Variants in HEY1 observed in about 807,000 individuals in gnomAD.
HEY1 encodes hes related family bHLH transcription factor with YRPW motif 1.
HEY1 carries 9 observed loss-of-function variants against 28.7 expected under a neutral mutation model. The observed-to-expected ratio is 0.31, with a 90% CI of 0.19 to 0.55. HEY1 has a LOEUF of 0.55. HEY1 is among the 20% of genes least tolerant of loss of function. The probability of loss-of-function intolerance (pLI) is 0.93; values close to 1 mark genes in which losing one functional copy is unlikely to be tolerated. For missense variants in HEY1, 385 were observed against 399.4 expected, an observed-to-expected ratio of 0.96 and a Z score of 0.31; for synonymous variants, 213 against 175.6, an observed-to-expected ratio of 1.21 and a Z score of -1.68.
rs902173582 is a variant in HEY1 at position 79,765,102 on chromosome 8, T to C, written c.*86A>G. ...AAGTGTACCTTTTTCCTTTTTACTTTTACTGACGACTTTAAGGTGATGTTG... is the reference window on the plus strand; with the variant it reads ...AAGTGTACCTTTTTCCTTTTTACTTCTACTGACGACTTTAAGGTGATGTTG... On this transcript the variant is annotated 3_prime_UTR_variant, in exon 5 of 5. Coordinates refer to ENST00000354724, the MANE Select transcript of HEY1 (RefSeq NM_012258.4). 14 of 881,148 alleles carry C rather than the reference T, an allele frequency of 1.6e-5. No individual in the cohort carries two copies. The African/African-American group carries it at 2.2e-4, about 14-fold the overall frequency. The allele number at this position is 881,148 out of a possible 1,614,324, so 54.6% of individuals were successfully genotyped here.
chr8:79,767,433 G>C (rs1444120615), intron 1 of HEY1, 139 bp from the exon 2 acceptor site: 1 of 1,107,674 alleles, frequency 9.0e-7, no homozygotes, highest in South Asian at 1.5e-5. Flanking sequence ...GGGTTCCCTG[G>C]CCGCAGGCTG....
chr8:79,766,441 C>G, intron 4 of HEY1: 14 of 1,475,920 alleles, frequency 9.5e-6, no homozygotes, highest in African/African-American at 1.4e-5. Context: ...GATGCACTAG[C>G]TCAATCCGCA....
Position 79,765,524 on chromosome 8 carries a change from C to T in HEY1, c.579G>A (p.Pro193=). ...CGTGGCCGTTCTGGGGCAGCAACAG[C>T]GGGTGCGCGATGTGCGGGTGATGTC... The part of the protein sequence containing the change: ...VFGHHPHIAH[P]LLLPQNGHGN... Residue 193 remains proline, a synonymous_variant, in exon 5 of 5, where the codon CCG becomes CCA. Coordinates refer to ENST00000354724, the MANE Select transcript of HEY1 (RefSeq NM_012258.4). The T allele has an allele frequency of 1.2e-6, 2 of 1,613,754 alleles. No homozygotes were observed. Among genetic ancestry groups the T allele is most frequent in the Non-Finnish European group, 1.7e-6 (2 of 1,179,946 alleles).
In HEY1 at chr8:79,765,144, G is replaced by A. The variant is rs964437523; in HGVS notation, c.*44C>T. ...GTGATGTTGGCAACAGTCCAGCCCAGCTGGGATTTTAAACTTTCCCCTCCC... is the reference window on the plus strand; with the variant it reads ...GTGATGTTGGCAACAGTCCAGCCCAACTGGGATTTTAAACTTTCCCCTCCC... On this transcript the variant is annotated 3_prime_UTR_variant, in exon 5 of 5. Transcript: ENST00000354724. 3.6e-6 allele frequency: 5 copies of A among 1,383,216 alleles called. No homozygotes were observed. Among genetic ancestry groups the A allele is most frequent in the Non-Finnish European group, 4.9e-6 (5 of 1,018,714 alleles). The allele number at this position is 1,383,216 out of a possible 1,614,324, so 85.7% of individuals were successfully genotyped here.
intron 4 of HEY1, chr8:79,766,437 C>T (rs1383914664): frequency 1.4e-6 from 2 of 1,470,926 alleles, no homozygotes; most frequent in East Asian, 2.4e-5. Context: ...AAAAGATGCA[C>T]TAGCTCAATC....
At chr8:79,766,338 A>G (rs528526054) in intron 4 of HEY1, 1 of 1,499,192 alleles carries the variant, frequency 6.7e-7, no homozygotes, top group East Asian at 2.4e-5. Flanking sequence ...CTTTTTCTCA[A>G]AATAGCAATG....
rs757444831 is a variant in HEY1 at position 79,766,750 on chromosome 8, A to G, written c.250-18T>C. 3 of 1,612,518 alleles carry G rather than the reference A, an allele frequency of 1.9e-6. No homozygotes were observed. Among genetic ancestry groups the G allele is most frequent in the Non-Finnish European group, 2.5e-6 (3 of 1,178,494 alleles). On this transcript the variant is annotated intron_variant, in intron 3 of 4. Transcript: ENST00000354724. ...GCAGATCCCTAAAGATGAGAATGGC[A>G]AAAGATTGATTTGGCACAAGTTCCT... is the stretch of plus-strand genomic sequence containing the variant.
rs1807807514 is a variant in HEY1 at position 79,765,452 on chromosome 8, G to A, written c.651C>T (p.Gly217=). The A allele has an allele frequency of 6.2e-7, 1 of 1,613,040 alleles. No individual in the cohort carries two copies. ...TASPTEPHHQ[G]RLGSAHPEAP... is the part of the protein sequence containing the mutation. ...CCTCCGGATGTGCCGAGCCCAGCCT[G>A]CCCTGGTGGTGCGGTTCCGTGGGTG... is the stretch of plus-strand genomic sequence containing the variant. Residue 217 remains glycine (G), a synonymous_variant, in exon 5 of 5, where the codon GGC becomes GGT. Transcript: ENST00000354724.
At chr8:79,767,531 G>T in intron 1 of HEY1, 44 bp downstream of exon 1, 1 of 1,550,464 alleles carries the variant, frequency 6.4e-7, no homozygotes. Flanking sequence ...GCCTGCGCTC[G>T]CCTCCCGCTC....
intron 4 of HEY1, 157 bp downstream of exon 4, chr8:79,766,494 A>G (rs1807841554): frequency 2.0e-6 from 3 of 1,508,350 alleles, no homozygotes; most frequent in African/African-American, 2.8e-5. Flanking sequence ...TTCTATGTGC[A>G]TTCGAAAATG....
chr8:79,767,744 G>T lies in HEY1; in HGVS notation c.-81C>A, dbSNP rs1446929557. 3.0e-6 allele frequency: 3 copies of T among 997,464 alleles called. No individual in the cohort carries two copies. Among genetic ancestry groups the T allele is most frequent in the South Asian group, 1.4e-5 (1 of 72,404 alleles). 61.8% of individuals were successfully genotyped at this position (997,464 alleles called of 1,614,324 possible). ...ACTACAGCGGCGCCTCTCCGCTCTC[G>T]GCTGCTTGCGTTCCGCACACACTGA... On this transcript the variant is annotated 5_prime_UTR_variant, in exon 1 of 5. Coordinates refer to ENST00000354724, the MANE Select transcript of HEY1 (RefSeq NM_012258.4).
intron 1 of HEY1, 105 bp downstream of exon 1, chr8:79,767,470 A>G (rs1420730463): frequency 8.2e-7 from 1 of 1,212,654 alleles, no homozygotes. Flanking sequence ...CGCGGAGGTC[A>G]GCGCAGGGCA....
intron 4 of HEY1, chr8:79,766,080 G>A (rs1207413784): frequency 2.6e-6 from 2 of 767,044 alleles, no homozygotes; most frequent in Non-Finnish European, 4.1e-6. Flanking sequence ...AATACATCAA[G>A]GGCAGAGAAA....
At position 79,764,123 on chromosome 8, in the gene HEY1, A is replaced by G; in HGVS notation, c.*1065T>C. 1 of 198,752 alleles carries G rather than the reference A, an allele frequency of 5.0e-6. No individual in the cohort carries two copies. Among genetic ancestry groups the G allele is most frequent in the Non-Finnish European group, 1.0e-5 (1 of 96,320 alleles). 12.3% of individuals were successfully genotyped at this position (198,752 alleles called of 1,614,324 possible). A position where few individuals can be genotyped will look rare whatever the true frequency, so the allele number is the denominator to read the frequency against. The stretch of plus-strand genomic sequence containing the variant: ...GCTAAAAGAATAAACCTGAAAAATG[A>G]TATTTTATAGCCCAAATCAAATTAA... On this transcript the variant is annotated 3_prime_UTR_variant, in exon 5 of 5. Transcript: ENST00000354724.
chr8:79,765,422 A>G lies in HEY1; in HGVS notation c.681T>C (p.Pro227=). 1 of 1,611,444 alleles carries G rather than the reference A, an allele frequency of 6.2e-7. No homozygotes were observed. The highest frequency in any genetic ancestry group is 8.5e-7 in the Non-Finnish European group (1 of 1,178,874). Residue 227 remains proline (P), a synonymous_variant, in exon 5 of 5, where the codon CCT becomes CCC. Coordinates refer to ENST00000354724, the MANE Select transcript of HEY1 (RefSeq NM_012258.4). ...GRLGSAHPEA[P]ALRAPPSGSL... is the part of the protein sequence containing the mutation. ...TGCCGCTAGGGGGCGCTCGCAAAGC[A>G]GGCGCCTCCGGATGTGCCGAGCCCA...
At chr8:79,767,334 G>C (rs1376235180) in intron 1 of HEY1, 40 bp from the exon 2 acceptor site, 1 of 1,552,472 alleles carries the variant, frequency 6.4e-7, no homozygotes, top group South Asian at 1.1e-5. Context: ...TGAAATCGCC[G>C]TTAAACGAGG....
chr8:79,767,332 C>T (rs1009526761), intron 1 of HEY1, 38 bp from the exon 2 acceptor site: 2 of 1,568,110 alleles, frequency 1.3e-6, no homozygotes, highest in African/African-American at 1.4e-5. Flanking sequence ...ACTGAAATCG[C>T]CGTTAAACGA....
Position 79,765,566 on chromosome 8 carries a change from G to C in HEY1, c.537C>G (p.Pro179=), listed in dbSNP as rs1386255291. The C allele has an allele frequency of 1.9e-6, 3 of 1,614,044 alleles. No individual in the cohort carries two copies. The highest frequency in any genetic ancestry group is 2.5e-6 in the Non-Finnish European group (3 of 1,180,056). ...GGTGATGTCCGAAGACGGTCCCCCA[G>C]GGAATGTGTCCGAGGCCCGCGTGGG... The part of the protein sequence containing the change: ...SGAHAGLGHI[P]WGTVFGHHPH... The change falls in exon 5 of 5, where the codon CCC becomes CCG. Residue 179 remains proline (P), a synonymous_variant. Transcript: ENST00000354724.
Position 79,765,410 on chromosome 8 carries a change from C to A in HEY1, c.693G>T (p.Ala231=), listed in dbSNP as rs1382315970. ...SAHPEAPALR[A]PPSGSLGPVL... ...CCGGTCCGAGGCTGCCGCTAGGGGG[C>A]GCTCGCAAAGCAGGCGCCTCCGGAT... The change falls in exon 5 of 5, where the codon GCG becomes GCT. Residue 231 remains alanine (A), a synonymous_variant. Coordinates refer to ENST00000354724, the MANE Select transcript of HEY1 (RefSeq NM_012258.4). The A allele has an allele frequency of 1.2e-6, 2 of 1,609,552 alleles. No individual in the cohort carries two copies. The highest frequency in any genetic ancestry group is 3.4e-5 in the Admixed American group (2 of 59,296).
Sources: allele counts gnomAD v4.1 joint callset, GRCh38; gene constraint gnomAD v4.1.1; transcripts MANE v1.5; gene names NCBI Gene and HGNC (gene_info 2026-07-23, HGNC 2026-07-21).